The following HTR2C variants were observed in gnomAD, a reference collection of about 807,000 sequenced individuals.
HTR2C encodes the protein 5-hydroxytryptamine receptor 2C.
HTR2C carries 5 observed loss-of-function variants against 21.0 expected under a neutral mutation model. That is an observed-to-expected ratio of 0.24 (90% CI 0.12 to 0.50). The LOEUF is 0.50. Ranked by LOEUF, HTR2C falls within the 20% of genes least tolerant of loss-of-function variation. HTR2C has a pLI of 0.98. For synonymous variants in HTR2C, 150 were observed against 145.3 expected (o/e 1.03, Z -0.23); for missense variants, 271 against 371.2 (o/e 0.73, Z 2.22).
chrX:114,834,371 G>A (rs1234947205), intron 4 of HTR2C, among the ~76,000 whole-genome samples: 1 of 104,456 alleles, frequency 9.6e-6, no homozygotes, highest in East Asian at 3.1e-4. Flanking sequence ...CTTGCTTTAT[G>A]AATCTGGGTG....
At chrX:114,746,277 G>C (rs1350504612) in intron 4 of HTR2C, among the ~76,000 whole-genome samples, 1 of 111,269 alleles carries the variant, frequency 9.0e-6, no homozygotes, top group Non-Finnish European at 1.9e-5. Context: ...TATGAGACCA[G>C]GATTACCCTG....
At chrX:114,689,841 T>C (rs1378836463) in intron 2 of HTR2C, among the ~76,000 whole-genome samples, 3 of 112,024 alleles carry the variant, frequency 2.7e-5, no homozygotes, top group African/African-American at 9.7e-5. Context: ...TATAATATGG[T>C]AGATTAAATT....
chrX:114,720,552 C>T (rs1556420470), intron 2 of HTR2C, among the ~76,000 whole-genome samples: 1 of 99,207 alleles, frequency 1.0e-5, no homozygotes, highest in Non-Finnish European at 2.0e-5. Flanking sequence ...TTTTAGGGTA[C>T]ATGTGCACAT....
At chrX:114,722,011 G>A (rs376723724) in intron 2 of HTR2C, among the ~76,000 whole-genome samples, 1 of 108,805 alleles carries the variant, frequency 9.2e-6, no homozygotes, top group Admixed American at 9.9e-5. Context: ...GCTCTTTTTT[G>A]GTTCCATATG....
chrX:114,813,039 T>C (rs782200801), intron 4 of HTR2C, among the ~76,000 whole-genome samples: 2 of 111,710 alleles, frequency 1.8e-5, no homozygotes, highest in South Asian at 7.5e-4. Context: ...ACTTTACAGT[T>C]TTGTCTAATT....
At chrX:114,899,126 T>C (rs1329680986) in intron 5 of HTR2C, among the ~76,000 whole-genome samples, 3 of 111,892 alleles carry the variant, frequency 2.7e-5, no homozygotes, top group African/African-American at 9.7e-5. Flanking sequence ...GCTATATTCC[T>C]AAGTATTTTA....
intron 2 of HTR2C, among the ~76,000 whole-genome samples, chrX:114,617,842 G>GTCT (rs1419760912): frequency 9.0e-6 from 1 of 111,642 alleles, no homozygotes; most frequent in African/African-American, 3.2e-5. Context: ...CTAACATGAA[G>GTCT]TCTTGCACAT....
chrX:114,792,385 C>G (rs2070242366), intron 4 of HTR2C, among the ~76,000 whole-genome samples: 2 of 111,215 alleles, frequency 1.8e-5, no homozygotes. Flanking sequence ...GTTTTCTGTT[C>G]CTGTGTTAGT....
intron 4 of HTR2C, among the ~76,000 whole-genome samples, chrX:114,740,099 C>CCT (rs1304609215): frequency 9.4e-6 from 1 of 106,272 alleles, no homozygotes; most frequent in African/African-American, 3.5e-5. Context: ...ACAGCCAAAC[C>CCT]CTCTCTCTCT....
At chrX:114,695,520 C>T (rs1932253997) in intron 2 of HTR2C, among the ~76,000 whole-genome samples, 1 of 111,702 alleles carries the variant, frequency 9.0e-6, no homozygotes. Flanking sequence ...TTCCTTTATC[C>T]TTACAAGTTC....
chrX:114,788,566 G>A (rs2070201030), intron 4 of HTR2C, among the ~76,000 whole-genome samples: 1 of 110,872 alleles, frequency 9.0e-6, no homozygotes, highest in Non-Finnish European at 1.9e-5. Context: ...CTGGCCCCAT[G>A]AGTATGGATT....
At chrX:114,746,812 C>T (rs2069709412) in intron 4 of HTR2C, among the ~76,000 whole-genome samples, 1 of 110,689 alleles carries the variant, frequency 9.0e-6, no homozygotes, top group African/African-American at 3.3e-5. Flanking sequence ...GGTGAAACTC[C>T]GTCTCTACTA....
intron 4 of HTR2C, among the ~76,000 whole-genome samples, chrX:114,811,499 A>G (rs191426483): frequency 8.9e-6 from 1 of 112,502 alleles, no homozygotes. Flanking sequence ...AAACCCTTAC[A>G]TATTCCCTCT....
At position 114,671,157 on chromosome X, in the gene HTR2C, A is replaced by C. The variant is rs782636741; in HGVS notation, c.-79-55701A>C. Among the ~76,000 whole-genome samples the C allele has an allele frequency of 1.7e-4, 19 of 111,959 alleles. No individual in the cohort carries two copies. In the East Asian group the frequency reaches 5.3e-3, roughly 31 times the overall value. The stretch of plus-strand genomic sequence containing the variant: ...TTCTTAACACATTGAGGGAGAAATC[A>C]AACAGATTAACATTCAAATTTTCAT... On this transcript the variant is annotated intron_variant, in intron 2 of 5. Transcript: ENST00000276198.
chrX:114,785,788 C>T (rs1474043080), intron 4 of HTR2C, among the ~76,000 whole-genome samples: 2 of 111,907 alleles, frequency 1.8e-5, no homozygotes, highest in Admixed American at 1.9e-4. Flanking sequence ...AAATACAGAA[C>T]TTTGGTTCAT....
At chrX:114,666,506 G>C (rs1931183766) in intron 2 of HTR2C, among the ~76,000 whole-genome samples, 1 of 111,340 alleles carries the variant, frequency 9.0e-6, no homozygotes, top group Non-Finnish European at 1.9e-5. Flanking sequence ...ATGTTGTCAA[G>C]GTGCCATATT....
At chrX:114,665,059 T>C (rs1333381382) in intron 2 of HTR2C, among the ~76,000 whole-genome samples, 1 of 112,337 alleles carries the variant, frequency 8.9e-6, no homozygotes, top group Non-Finnish European at 1.9e-5. Flanking sequence ...GAACAAGCAC[T>C]CCCACTGTGC....
At chrX:114,595,822 C>T (rs1236273810) in intron 1 of HTR2C, among the ~76,000 whole-genome samples, 1 of 110,863 alleles carries the variant, frequency 9.0e-6, no homozygotes, top group Non-Finnish European at 1.9e-5. Flanking sequence ...AAAAAAAAAT[C>T]CCAAATCATT....
chrX:114,883,200 A>G (rs2147520860), intron 5 of HTR2C, among the ~76,000 whole-genome samples: 1 of 110,208 alleles, frequency 9.1e-6, no homozygotes, highest in East Asian at 2.9e-4. Context: ...GATCAGCAAT[A>G]ATGTCCCTGC....
Sources: allele counts gnomAD v4.1 joint callset (sites outside exome capture counted in the v4.1 genomes callset), GRCh38; gene constraint gnomAD v4.1.1; transcripts MANE v1.5; gene names NCBI Gene and HGNC (gene_info 2026-07-23, HGNC 2026-07-21).